Variants in DLGAP1 observed in about 807,000 individuals in gnomAD.
The protein encoded by DLGAP1 is disks large-associated protein 1.
A neutral mutation model predicts 90.8 loss-of-function variants in DLGAP1; 11 were observed. The ratio of observed to expected loss-of-function variants is 0.12; its 90% confidence interval spans 0.08 to 0.20. The LOEUF (loss-of-function observed/expected upper bound fraction) is 0.20, where lower values mean the gene tolerates loss of function less well. Ranked by LOEUF, DLGAP1 falls within the 10% of genes least tolerant of loss-of-function variation. The pLI, the probability that DLGAP1 is intolerant of heterozygous loss-of-function variation, is 1.00. For missense variants in DLGAP1, 1,050 were observed against 1,333.8 expected, an observed-to-expected ratio of 0.79 and a Z score of 3.31; for synonymous variants, 558 against 540.7, an observed-to-expected ratio of 1.03 and a Z score of -0.44.
At chr18:4,276,823 TA>T (rs1408167541) in intron 1 of DLGAP1, among the ~76,000 whole-genome samples, 1 of 152,142 alleles carries the variant, frequency 6.6e-6, no homozygotes, top group Non-Finnish European at 1.5e-5. Flanking sequence ...GAAGTTTAAA[TA>T]AGAAATACAG....
chr18:4,348,642 A>T (rs550833324), intron 1 of DLGAP1, among the ~76,000 whole-genome samples: 2 of 152,210 alleles, frequency 1.3e-5, no homozygotes, highest in South Asian at 4.1e-4. Flanking sequence ...GGGAATGGGT[A>T]GATATTAGCG....
In DLGAP1 at chr18:3,617,516, G is replaced by A. The variant is rs148583622; in HGVS notation, c.1592-35268C>T. Among the ~76,000 whole-genome samples the A allele has an allele frequency of 4.4e-3, 670 of 150,934 alleles. 7 individuals carry two copies. Among genetic ancestry groups the A allele is most frequent in the African/African-American group, 0.015 (616 of 41,088 alleles). ...TTGGGAGGCTGAGGCAGAAGAATCC[G>A]GGAGGTGGAGGTTGCAGTGAGCTGA... On this transcript the variant is annotated intron_variant, in intron 7 of 12. Coordinates refer to ENST00000315677, the MANE Select transcript of DLGAP1 (RefSeq NM_004746.4).
At chr18:4,414,723 C>CA (rs72124732) in intron 1 of DLGAP1, among the ~76,000 whole-genome samples, 65,852 of 142,780 alleles carry the variant, frequency 0.46, 16,114 homozygotes, top group East Asian at 0.61. Context: ...AAGACTCTGT[C>CA]AAAAAAAAAA....
chr18:3,502,443 G>A (rs556169415), intron 12 of DLGAP1, 50 bp downstream of exon 12: 30 of 1,612,478 alleles, frequency 1.9e-5, no homozygotes, highest in Non-Finnish European at 2.4e-5. Context: ...AGACTGTCCA[G>A]TGTTTGTGCA....
rs371738104 is a variant in DLGAP1 at position 3,937,747 on chromosome 18, A to G, written c.-72-57607T>C. 2.0e-5 allele frequency among the ~76,000 whole-genome samples: 3 copies of G among 152,314 alleles called. No homozygotes were observed. The East Asian group carries it at 5.8e-4, about 29-fold the overall frequency. Reference sequence around the variant, plus strand: ...TTCCTTATAGGAAGTCCCATCAGACACCTACTCAGAGCCAATTTATCTTTA... The same window carrying G: ...TTCCTTATAGGAAGTCCCATCAGACGCCTACTCAGAGCCAATTTATCTTTA... On this transcript the variant is annotated intron_variant, in intron 3 of 12. Transcript: ENST00000315677.
Position 4,204,145 on chromosome 18 carries a change from C to T in DLGAP1, c.-266-52858G>A, listed in dbSNP as rs192770787. 1.3e-4 allele frequency among the ~76,000 whole-genome samples: 20 copies of T among 152,282 alleles called. No homozygotes were observed. In the East Asian group the frequency reaches 1.9e-3, roughly 15 times the overall value. The stretch of plus-strand genomic sequence containing the variant: ...TCTATAATATTTAACTCGGCTTAAT[C>T]GCCATAATTCTTTCAACTGTCTGTA... On this transcript the variant is annotated intron_variant, in intron 1 of 12. Coordinates refer to ENST00000315677, the MANE Select transcript of DLGAP1 (RefSeq NM_004746.4).
chr18:4,436,911 A>C (rs904163302), intron 1 of DLGAP1, among the ~76,000 whole-genome samples: 1 of 152,202 alleles, frequency 6.6e-6, no homozygotes, highest in Non-Finnish European at 1.5e-5. Context: ...TATGCCAATA[A>C]AGTATTTGGG....
At chr18:4,421,090 T>G (rs965738895) in intron 1 of DLGAP1, among the ~76,000 whole-genome samples, 2 of 152,120 alleles carry the variant, frequency 1.3e-5, no homozygotes, top group Non-Finnish European at 2.9e-5. Context: ...ACAAACCAGG[T>G]GTCTTAAAAT....
At chr18:4,343,116 T>A (rs532206401) in intron 1 of DLGAP1, among the ~76,000 whole-genome samples, 2 of 151,618 alleles carry the variant, frequency 1.3e-5, no homozygotes, top group Non-Finnish European at 2.9e-5. Context: ...GACCATCCTG[T>A]CTAACATGGT....
At chr18:3,822,555 C>T (rs549093143) in intron 4 of DLGAP1, among the ~76,000 whole-genome samples, 13 of 152,292 alleles carry the variant, frequency 8.5e-5, no homozygotes, top group Non-Finnish European at 1.6e-4. Flanking sequence ...CAAGCTGAGT[C>T]GAGTATTAAA....
intron 2 of DLGAP1, among the ~76,000 whole-genome samples, chr18:4,148,222 C>T (rs529453176): frequency 3.6e-4 from 55 of 152,032 alleles, no homozygotes; most frequent in Non-Finnish European, 6.2e-4. Flanking sequence ...AACCACAAAG[C>T]CTTAAAATCA....
In DLGAP1 at chr18:4,269,354, A is replaced by ATATT. The variant is rs1247401948; in HGVS notation, c.-266-118068_-266-118067insAATA. Among the ~76,000 whole-genome samples, 903 of 132,068 alleles carry ATATT rather than the reference A, an allele frequency of 6.8e-3. 8 individuals carry two copies. The highest frequency in any genetic ancestry group is 0.022 in the African/African-American group (750 of 34,844). 86.6% of individuals were successfully genotyped at this position (132,068 alleles called of 152,430 possible). A position where few individuals can be genotyped will look rare whatever the true frequency, so the allele number is the denominator to read the frequency against. Reference sequence around the variant, plus strand: ...TATACATATATATATATATATATATATTTTTTTTTTTCTTTTTGAGACGGA... The same window carrying ATATT: ...TATACATATATATATATATATATATATATTTTTTTTTTTTTCTTTTTGAGACGGA... On this transcript the variant is annotated intron_variant, in intron 1 of 12. Transcript: ENST00000315677.
chr18:4,038,447 C>G (rs950301034), intron 2 of DLGAP1, among the ~76,000 whole-genome samples: 7 of 152,278 alleles, frequency 4.6e-5, no homozygotes, highest in Non-Finnish European at 2.9e-5. Context: ...AGAGCAGCCA[C>G]AGAGAGGCAG....
intron 7 of DLGAP1, among the ~76,000 whole-genome samples, chr18:3,639,657 G>A (rs1015805433): frequency 6.6e-6 from 1 of 151,906 alleles, no homozygotes. Flanking sequence ...CAGGCAAAAA[G>A]CCTCTGAAAT....
chr18:4,067,117 C>T (rs1186816300), intron 2 of DLGAP1, among the ~76,000 whole-genome samples: 16 of 151,958 alleles, frequency 1.1e-4, no homozygotes, highest in African/African-American at 3.9e-4. Flanking sequence ...TAAGTGGGAG[C>T]TAAATGATGA....
intron 7 of DLGAP1, among the ~76,000 whole-genome samples, chr18:3,710,349 T>A (rs918416052): frequency 6.6e-6 from 1 of 152,130 alleles, no homozygotes; most frequent in Non-Finnish European, 1.5e-5. Flanking sequence ...CCCTACGTCA[T>A]CCCCCGCCCT....
intron 2 of DLGAP1, among the ~76,000 whole-genome samples, chr18:4,064,385 A>ATTC (rs751493533): frequency 4.6e-5 from 7 of 151,988 alleles, no homozygotes; most frequent in Non-Finnish European, 1.0e-4. Context: ...ATGAAAAACC[A>ATTC]TTCAAAAGAT....
chr18:3,558,483 T>C (rs910912337), intron 9 of DLGAP1, among the ~76,000 whole-genome samples: 2 of 152,300 alleles, frequency 1.3e-5, no homozygotes, highest in South Asian at 4.1e-4. Flanking sequence ...TCCGCCCACC[T>C]TGGCCTCCCA....
intron 3 of DLGAP1, among the ~76,000 whole-genome samples, chr18:3,940,138 ACTC>A (rs1293038527): frequency 6.6e-6 from 1 of 152,162 alleles, no homozygotes; most frequent in African/African-American, 2.4e-5. Context: ...TTGTAAGGAA[ACTC>A]AAGCAGCTCT....
Sources: gnomAD v4.1 joint callset for allele counts (sites outside exome capture counted in the v4.1 genomes callset) on GRCh38, gnomAD v4.1.1 for gene constraint, MANE v1.5 for transcripts, NCBI Gene and HGNC (gene_info 2026-07-23, HGNC 2026-07-21) for gene names.